Variants in PALM2AKAP2 observed in about 807,000 individuals in gnomAD.
PALM2AKAP2 encodes the protein PALM2-AKAP2 fusion protein.
A neutral mutation model predicts 71.5 loss-of-function variants in PALM2AKAP2; 37 were observed. The observed-to-expected ratio is 0.52, with a 90% confidence interval of 0.40 to 0.68. PALM2AKAP2 has a LOEUF of 0.68. Among genes scored for constraint, PALM2AKAP2 ranks in the 30% least tolerant of loss-of-function variants. PALM2AKAP2 has a pLI of 0.00. For synonymous variants in PALM2AKAP2, 468 were observed against 478.8 expected (o/e 0.98, Z 0.29); for missense variants, 1,224 against 1,191.8 (o/e 1.03, Z -0.40).
intron 1 of PALM2AKAP2, among the ~76,000 whole-genome samples, chr9:109,649,148 GTGT>G (rs947957510): frequency 3.3e-5 from 5 of 151,296 alleles, no homozygotes; most frequent in Admixed American, 1.3e-4. Context: ...GTAAGTCATT[GTGT>G]TGTTGTTTTT....
At chr9:109,931,149 G>A (rs1034963027) in intron 5 of PALM2AKAP2, among the ~76,000 whole-genome samples, 2 of 152,152 alleles carry the variant, frequency 1.3e-5, no homozygotes, top group Non-Finnish European at 2.9e-5. Context: ...TCTTACCTCA[G>A]GGGTTTCCTC....
exon 4 of PALM2AKAP2, chr9:110,168,472 A>T: frequency 6.2e-7 from 1 of 1,614,210 alleles, no homozygotes; most frequent in Non-Finnish European, 8.5e-7. Flanking sequence ...ATCTATGCCA[A>T]CCAGGAGGAA....
At chr9:110,013,082 A>G (rs774761785) in intron 6 of PALM2AKAP2, among the ~76,000 whole-genome samples, 29 of 152,192 alleles carry the variant, frequency 1.9e-4, no homozygotes, top group Non-Finnish European at 3.7e-4. Flanking sequence ...TGGCTGATCT[A>G]GACCTGGCTT....
intron 1 of PALM2AKAP2, among the ~76,000 whole-genome samples, chr9:109,695,650 T>C (rs1587871188): frequency 6.6e-6 from 1 of 152,162 alleles, no homozygotes; most frequent in East Asian, 1.9e-4. Context: ...AATGAATGAG[T>C]AAAGAAAATG....
At chr9:110,083,174 T>G (rs191603928) in intron 1 of PALM2AKAP2, among the ~76,000 whole-genome samples, 10 of 152,014 alleles carry the variant, frequency 6.6e-5, no homozygotes, top group Non-Finnish European at 1.3e-4. Flanking sequence ...ACAAAAACAA[T>G]GACTTTATAT....
At chr9:109,873,132 A>G (rs1448904863) in intron 2 of PALM2AKAP2, among the ~76,000 whole-genome samples, 1 of 152,190 alleles carries the variant, frequency 6.6e-6, no homozygotes, top group Non-Finnish European at 1.5e-5. Flanking sequence ...AAACACAGCT[A>G]TTGCCTCATG....
chr9:110,081,130 T>C (rs1020726319), intron 1 of PALM2AKAP2, among the ~76,000 whole-genome samples: 33 of 152,256 alleles, frequency 2.2e-4, no homozygotes, highest in African/African-American at 7.5e-4. Context: ...GAAGAGGCAC[T>C]GCTTCAGCCT....
rs192895054 is a variant in PALM2AKAP2 at position 109,672,181 on chromosome 9, G to A, written c.5+31315G>A. ...AAAGAGGGCATCCTTGTCTTGTGCCGGTTTTCAAGGGGAATGCTTCCAGCT... is the reference window on the plus strand; with the variant it reads ...AAAGAGGGCATCCTTGTCTTGTGCCAGTTTTCAAGGGGAATGCTTCCAGCT... On this transcript the variant is annotated intron_variant, in intron 1 of 6. Coordinates refer to the PALM2AKAP2 transcript ENST00000374531. Among the ~76,000 whole-genome samples the A allele has an allele frequency of 1.9e-3, 293 of 152,132 alleles. 3 individuals carry two copies. Among genetic ancestry groups the A allele is most frequent in the Non-Finnish European group, 3.3e-3 (221 of 67,952 alleles).
At chr9:109,961,082 G>A (rs1312089337) in intron 6 of PALM2AKAP2, among the ~76,000 whole-genome samples, 2 of 152,330 alleles carry the variant, frequency 1.3e-5, no homozygotes, top group South Asian at 4.1e-4. Flanking sequence ...TTCACATCAA[G>A]TACAATGTGA....
At chr9:109,700,155 T>C (rs1020738085) in intron 1 of PALM2AKAP2, among the ~76,000 whole-genome samples, 5 of 152,148 alleles carry the variant, frequency 3.3e-5, no homozygotes, top group African/African-American at 1.2e-4. Flanking sequence ...GCACTTGATG[T>C]GGTTTGGCTG....
exon 1 of PALM2AKAP2, chr9:110,048,725 C>T (rs1190764735): frequency 4.2e-5 from 65 of 1,547,140 alleles, no homozygotes; most frequent in Non-Finnish European, 5.3e-5. Context: ...CCCGGGGCTG[C>T]CGCTCGCCTT....
intron 1 of PALM2AKAP2, among the ~76,000 whole-genome samples, chr9:110,106,771 C>T (rs977301125): frequency 2.0e-5 from 3 of 152,172 alleles, no homozygotes; most frequent in Non-Finnish European, 2.9e-5. Context: ...CATTTAAATC[C>T]GTCAACAGTC....
intron 6 of PALM2AKAP2, among the ~76,000 whole-genome samples, chr9:109,980,262 C>G (rs1832246637): frequency 6.6e-6 from 1 of 152,208 alleles, no homozygotes; most frequent in Non-Finnish European, 1.5e-5. Flanking sequence ...TCTAATCACC[C>G]TGAGCCTTGC....
At chr9:110,024,849 G>T in intron 7 of PALM2AKAP2, 1 of 757,040 alleles carries the variant, frequency 1.3e-6, no homozygotes, top group Non-Finnish European at 2.3e-6. Context: ...ACAGCCCAGA[G>T]GTCTTTTATT....
intron 2 of PALM2AKAP2, among the ~76,000 whole-genome samples, chr9:110,139,737 T>C (rs1235950425): frequency 6.6e-6 from 1 of 152,216 alleles, no homozygotes; most frequent in African/African-American, 2.4e-5. Context: ...TAAAGAAAAG[T>C]TCCCAAGTAC....
chr9:109,935,615 C>T (rs1354031182), intron 6 of PALM2AKAP2, among the ~76,000 whole-genome samples: 3 of 152,226 alleles, frequency 2.0e-5, no homozygotes, highest in Non-Finnish European at 4.4e-5. Flanking sequence ...GGCTCTTAGT[C>T]ATCTCTGGTC....
At chr9:109,988,755 A>G (rs931603769) in intron 6 of PALM2AKAP2, among the ~76,000 whole-genome samples, 4 of 152,156 alleles carry the variant, frequency 2.6e-5, no homozygotes, top group Admixed American at 6.6e-5. Context: ...AAAGAAGTGA[A>G]GGGATAGTAA....
chr9:109,759,398 G>A (rs1476136157), intron 1 of PALM2AKAP2, among the ~76,000 whole-genome samples: 1 of 152,058 alleles, frequency 6.6e-6, no homozygotes, highest in East Asian at 1.9e-4. Context: ...CAGAAAACAT[G>A]GCATCAAAAC....
chr9:109,839,792 G>A (rs1828601056), intron 1 of PALM2AKAP2, among the ~76,000 whole-genome samples: 1 of 152,066 alleles, frequency 6.6e-6, no homozygotes, highest in South Asian at 2.1e-4. Flanking sequence ...AAATACCTAA[G>A]AATCCAACTT....
Sources: allele counts gnomAD v4.1 joint callset (sites outside exome capture counted in the v4.1 genomes callset), GRCh38; gene constraint gnomAD v4.1.1; transcripts MANE v1.5; gene names NCBI Gene and HGNC (gene_info 2026-07-23, HGNC 2026-07-21).